Variants in AUTS2 observed in about 807,000 individuals in gnomAD.
The protein encoded by AUTS2 is autism susceptibility gene 2 protein.
Under a neutral mutation model 112.4 loss-of-function variants are expected in AUTS2, and 17 were observed. That is an observed-to-expected ratio of 0.15 (90% CI 0.10 to 0.23). The LOEUF (loss-of-function observed/expected upper bound fraction) is 0.23, where lower values mean the gene tolerates loss of function less well. Ranked by LOEUF, AUTS2 falls within the 10% of genes least tolerant of loss-of-function variation. The pLI is 1.00. For missense variants in AUTS2, 1,510 were observed against 1,701.6 expected (o/e 0.89, Z 1.98); for synonymous variants, 751 against 702.7 (o/e 1.07, Z -1.09).
intron 5 of AUTS2, among the ~76,000 whole-genome samples, chr7:70,586,987 C>A (rs1802716933): frequency 6.6e-6 from 1 of 152,144 alleles, no homozygotes; most frequent in African/African-American, 2.4e-5. Flanking sequence ...AGGTCTAATT[C>A]CAGTCATACC....
chr7:70,714,980 A>T (rs1262670379), intron 6 of AUTS2, among the ~76,000 whole-genome samples: 4 of 152,194 alleles, frequency 2.6e-5, no homozygotes, highest in African/African-American at 7.2e-5. Flanking sequence ...TCATCTATTG[A>T]TGATGCTTGC....
chr7:70,745,147 C>T (rs992831404), intron 6 of AUTS2, among the ~76,000 whole-genome samples: 2 of 152,012 alleles, frequency 1.3e-5, no homozygotes, highest in African/African-American at 4.8e-5. Flanking sequence ...GTATGTATCC[C>T]GATTGTATTT....
At chr7:69,742,730 T>C (rs1284804203) in intron 1 of AUTS2, among the ~76,000 whole-genome samples, 1 of 152,174 alleles carries the variant, frequency 6.6e-6, no homozygotes, top group East Asian at 1.9e-4. Context: ...ACAGTGATCA[T>C]TGTAATACTT....
intron 1 of AUTS2, among the ~76,000 whole-genome samples, chr7:69,758,863 A>G (rs1788048633): frequency 6.6e-6 from 1 of 152,112 alleles, no homozygotes. Flanking sequence ...TTATATCCTA[A>G]TGTAGAAAAT....
chr7:70,389,575 C>T (rs1793758488), intron 4 of AUTS2, among the ~76,000 whole-genome samples: 1 of 152,144 alleles, frequency 6.6e-6, no homozygotes, highest in Admixed American at 6.5e-5. Flanking sequence ...TGCCTCCAAA[C>T]AGCCAAATGG....
intron 1 of AUTS2, among the ~76,000 whole-genome samples, chr7:69,819,285 A>G (rs930764613): frequency 5.9e-5 from 9 of 152,200 alleles, no homozygotes; most frequent in Non-Finnish European, 1.0e-4. Context: ...CCACTTCCTC[A>G]CCCTTTCTTC....
At chr7:70,143,796 A>G (rs986222069) in intron 4 of AUTS2, among the ~76,000 whole-genome samples, 3 of 152,246 alleles carry the variant, frequency 2.0e-5, no homozygotes, top group South Asian at 4.1e-4. Flanking sequence ...TTTGGAATGG[A>G]GTGGTGAAGC....
intron 3 of AUTS2, among the ~76,000 whole-genome samples, chr7:70,132,012 G>A (rs1806297794): frequency 6.6e-6 from 1 of 151,946 alleles, no homozygotes; most frequent in African/African-American, 2.4e-5. Flanking sequence ...GAGTTGGCAA[G>A]TAGCCAAGAA....
intron 4 of AUTS2, among the ~76,000 whole-genome samples, chr7:70,380,921 G>T (rs1302928285): frequency 6.6e-6 from 1 of 152,086 alleles, no homozygotes; most frequent in Non-Finnish European, 1.5e-5. Context: ...TTTATCTTTG[G>T]CTAAAAAACG....
intron 1 of AUTS2, among the ~76,000 whole-genome samples, chr7:69,685,961 A>G (rs965019138): frequency 2.0e-5 from 3 of 152,166 alleles, no homozygotes; most frequent in East Asian, 1.9e-4. Context: ...GTCTGAAAAC[A>G]TGAAGGCCGT....
Position 70,322,511 on chromosome 7 carries a change from T to C in AUTS2, c.661-113241T>C, listed in dbSNP as rs1453562888. On this transcript the variant is annotated intron_variant, in intron 4 of 18. Coordinates refer to ENST00000342771, the MANE Select transcript of AUTS2 (RefSeq NM_015570.4). ...AAAGGTGATCACTTACCTGTTAGCCTCATGCCTGGTGGTGATAAGAAAGAT... is the reference window on the plus strand; with the variant it reads ...AAAGGTGATCACTTACCTGTTAGCCCCATGCCTGGTGGTGATAAGAAAGAT... Among the ~76,000 whole-genome samples the C allele has an allele frequency of 2.6e-5, 4 of 152,208 alleles. No individual in the cohort carries two copies. The East Asian group carries it at 7.7e-4, about 29-fold the overall frequency.
chr7:70,269,279 T>C (rs1787574063), intron 4 of AUTS2, among the ~76,000 whole-genome samples: 1 of 152,220 alleles, frequency 6.6e-6, no homozygotes, highest in Admixed American at 6.5e-5. Flanking sequence ...TTTGCCATGA[T>C]GCCTTGCTGC....
intron 4 of AUTS2, among the ~76,000 whole-genome samples, chr7:70,207,131 A>G (rs746716590): frequency 1.3e-5 from 2 of 152,152 alleles, no homozygotes; most frequent in Admixed American, 1.3e-4. Flanking sequence ...TTCCATCACT[A>G]ATATTTTACC....
intron 2 of AUTS2, among the ~76,000 whole-genome samples, chr7:69,986,555 C>G (rs922049903): frequency 7.2e-5 from 11 of 152,204 alleles, no homozygotes; most frequent in African/African-American, 2.7e-4. Context: ...CTGCTCTTGG[C>G]CAAAGGCCAC....
intron 2 of AUTS2, among the ~76,000 whole-genome samples, chr7:69,967,069 C>G (rs1797661439): frequency 6.6e-6 from 1 of 152,114 alleles, no homozygotes; most frequent in South Asian, 2.1e-4. Context: ...TTCTTATTCA[C>G]TATTTGCTAA....
intron 4 of AUTS2, among the ~76,000 whole-genome samples, chr7:70,238,943 T>C (rs1283041970): frequency 6.6e-6 from 1 of 152,100 alleles, no homozygotes; most frequent in Non-Finnish European, 1.5e-5. Context: ...ACTCCCTAAT[T>C]AAGTATTTGC....
intron 1 of AUTS2, among the ~76,000 whole-genome samples, chr7:69,729,822 T>G (rs1437264829): frequency 6.6e-6 from 1 of 152,106 alleles, no homozygotes; most frequent in Non-Finnish European, 1.5e-5. Flanking sequence ...TATTTACATT[T>G]CTAGGGATAA....
chr7:69,665,301 GAAGGATATTTT>G (rs1304331473), intron 1 of AUTS2, among the ~76,000 whole-genome samples: 3 of 152,162 alleles, frequency 2.0e-5, no homozygotes, highest in Admixed American at 2.0e-4. Context: ...GAACCCCATA[GAAGGATATTTT>G]AAGAGATAAG....
chr7:70,214,877 A>G (rs988128251), intron 4 of AUTS2, among the ~76,000 whole-genome samples: 1 of 152,222 alleles, frequency 6.6e-6, no homozygotes, highest in African/African-American at 2.4e-5. Context: ...CTTTTCTTGT[A>G]GCTTATTTTT....
Sources: gnomAD v4.1 joint callset for allele counts (sites outside exome capture counted in the v4.1 genomes callset) on GRCh38, gnomAD v4.1.1 for gene constraint, MANE v1.5 for transcripts, NCBI Gene and HGNC (gene_info 2026-07-23, HGNC 2026-07-21) for gene names.